MCPH1: variants seen among roughly 807,000 people sequenced by gnomAD.
The protein encoded by MCPH1 is microcephalin.
A neutral mutation model predicts 84.5 loss-of-function variants in MCPH1; 104 were observed. The ratio of observed to expected loss-of-function variants is 1.23; its 90% CI spans 1.05 to 1.45. The LOEUF is 1.45. Ranked by LOEUF, MCPH1 falls within the 40% of genes most tolerant of loss-of-function variation. The pLI, the probability that MCPH1 is intolerant of heterozygous loss-of-function variation, is 0.00. For missense variants in MCPH1, 1,498 were observed against 1,005.7 expected, an observed-to-expected ratio of 1.49 and a Z score of -6.62; for synonymous variants, 514 against 366.8, an observed-to-expected ratio of 1.40 and a Z score of -4.58.
intron 12 of MCPH1, among the ~76,000 whole-genome samples, chr8:6,611,662 AG>A (rs1830279731): frequency 6.6e-6 from 1 of 151,954 alleles, no homozygotes; most frequent in Non-Finnish European, 1.5e-5. Context: ...TCTGTCTCCC[AG>A]GCTGGAGTGC....
chr8:6,507,572 C>CTTTTTTTTTTT (rs35163014), intron 12 of MCPH1: 22 of 104,804 alleles, frequency 2.1e-4, no homozygotes, highest in Middle Eastern at 7.0e-3. Context: ...ACTTTCTTTT[C>CTTTTTTTTTTT]TTTTTTTTTT....
At chr8:6,640,764 G>A (rs1056047655) in intron 13 of MCPH1, among the ~76,000 whole-genome samples, 4 of 152,142 alleles carry the variant, frequency 2.6e-5, no homozygotes, top group Non-Finnish European at 5.9e-5. Flanking sequence ...CACCCTCTGA[G>A]CTTTAAAAAT....
At position 6,643,554 on chromosome 8, in the gene MCPH1, T is replaced by C. The variant is rs778235755; in HGVS notation, c.*505T>C. On this transcript the variant is annotated 3_prime_UTR_variant, in exon 14 of 14. Coordinates refer to ENST00000344683, the MANE Select transcript of MCPH1 (RefSeq NM_024596.5). ...TCCAGTCTTTGTGTCTTAGTCATGA[T>C]CATAATTGAAAGGTCACAGAACCTT... 1 of 172,926 alleles carries C rather than the reference T, an allele frequency of 5.8e-6. No individual in the cohort carries two copies. Among genetic ancestry groups the C allele is most frequent in the Non-Finnish European group, 1.3e-5 (1 of 79,694 alleles). 10.7% of individuals were successfully genotyped at this position (172,926 alleles called of 1,614,324 possible). A position where few individuals can be genotyped will look rare whatever the true frequency, so the allele number is the denominator to read the frequency against.
At chr8:6,632,549 C>T (rs186869155) in intron 13 of MCPH1, among the ~76,000 whole-genome samples, 158 of 152,288 alleles carry the variant, frequency 1.0e-3, no homozygotes, top group Non-Finnish European at 1.8e-3. Flanking sequence ...GTGACTCATG[C>T]CTGTAATCCC....
In MCPH1 at chr8:6,625,900, G is replaced by A. The variant is rs1396339331; in HGVS notation, c.2452+4209G>A. 1.6e-5 allele frequency: 16 copies of A among 985,288 alleles called. No individual in the cohort carries two copies. In the East Asian group the frequency reaches 1.6e-3, roughly 98 times the overall value. 61.0% of individuals were successfully genotyped at this position (985,288 alleles called of 1,614,324 possible). ...GGGGTGGAGAACCAGGAGTTTTTTA[G>A]CCACTAGGAACCTCTCTGAGAAGTT... is the stretch of plus-strand genomic sequence containing the variant. On this transcript the variant is annotated intron_variant, in intron 13 of 13. Coordinates refer to ENST00000344683, the MANE Select transcript of MCPH1 (RefSeq NM_024596.5).
At chr8:6,621,325 C>T in intron 12 of MCPH1, 129 bp from the exon 13 acceptor site, 1 of 1,184,020 alleles carries the variant, frequency 8.4e-7, no homozygotes, top group Admixed American at 1.8e-5. Flanking sequence ...TCAAAATTCA[C>T]AGGAGCATGG....
intron 13 of MCPH1, among the ~76,000 whole-genome samples, chr8:6,632,289 T>C (rs1258382238): frequency 1.3e-5 from 2 of 152,246 alleles, no homozygotes; most frequent in Non-Finnish European, 2.9e-5. Flanking sequence ...ATTGCGAATG[T>C]ACTTCATGCC....
intron 12 of MCPH1, among the ~76,000 whole-genome samples, chr8:6,583,406 G>T (rs2515525): frequency 0.74 from 112,308 of 152,090 alleles, 42,129 homozygotes; most frequent in East Asian, 0.94. Flanking sequence ...CTTTTCTTGC[G>T]CTGCAAGGCA....
chr8:6,536,323 G>A (rs915680981), intron 12 of MCPH1, among the ~76,000 whole-genome samples: 1 of 152,140 alleles, frequency 6.6e-6, no homozygotes, highest in African/African-American at 2.4e-5. Context: ...CAGCACAGGT[G>A]GATGCAGGGC....
chr8:6,498,955 G>A (rs996411540), intron 11 of MCPH1, among the ~76,000 whole-genome samples: 2 of 152,068 alleles, frequency 1.3e-5, no homozygotes, highest in African/African-American at 4.8e-5. Context: ...AAGAGGCTGA[G>A]GCAGGAGAAT....
chr8:6,459,904 A>G (rs78797069), intron 9 of MCPH1, among the ~76,000 whole-genome samples: 5,356 of 152,244 alleles, frequency 0.035, 286 homozygotes, highest in African/African-American at 0.11. Context: ...CTGTGCGAAG[A>G]GCAGCACGGC....
chr8:6,583,780 A>G (rs1827754732), intron 12 of MCPH1, among the ~76,000 whole-genome samples: 1 of 150,440 alleles, frequency 6.6e-6, no homozygotes, highest in Non-Finnish European at 1.5e-5. Context: ...GATGCAGAAG[A>G]GACAACTGAA....
intron 12 of MCPH1, among the ~76,000 whole-genome samples, chr8:6,590,098 C>T (rs537870708): frequency 6.6e-6 from 1 of 151,688 alleles, no homozygotes; most frequent in South Asian, 2.1e-4. Flanking sequence ...GAGTGAGGAA[C>T]ATTTGGTGCC....
Position 6,641,275 on chromosome 8 carries a change from T to C in MCPH1, c.2453-1719T>C, listed in dbSNP as rs74456823. ...AAACTAAGTGTAAAAATTGAATCCA[T>C]AGAGTTTTTACAACCTGGAAGAAAA... On this transcript the variant is annotated intron_variant, in intron 13 of 13. Transcript: ENST00000344683. Among the ~76,000 whole-genome samples the C allele has an allele frequency of 9.0e-3, 1,368 of 152,328 alleles. 17 individuals carry two copies. Among genetic ancestry groups the C allele is most frequent in the African/African-American group, 0.031 (1,288 of 41,574 alleles).
At chr8:6,504,134 C>G (rs557367923) in intron 12 of MCPH1, among the ~76,000 whole-genome samples, 20 of 151,846 alleles carry the variant, frequency 1.3e-4, no homozygotes, top group Admixed American at 3.9e-4. Context: ...CTGGCTAACA[C>G]GGTGAAACCC....
intron 9 of MCPH1, among the ~76,000 whole-genome samples, chr8:6,471,196 A>C (rs1169922889): frequency 2.0e-5 from 3 of 152,148 alleles, no homozygotes; most frequent in African/African-American, 7.2e-5. Context: ...TCTTTCCCCA[A>C]AAGGGCTTTG....
At chr8:6,636,879 C>T (rs1421941693) in intron 13 of MCPH1, among the ~76,000 whole-genome samples, 2 of 152,166 alleles carry the variant, frequency 1.3e-5, no homozygotes, top group African/African-American at 4.8e-5. Context: ...CCTGTAATAT[C>T]CTTTTACACA....
rs1056282606 is a variant in MCPH1, at chr8:6,644,312, T to A, written c.*1263T>A. On this transcript the variant is annotated 3_prime_UTR_variant, in exon 14 of 14. Transcript: ENST00000344683. ...AGAAACACTGATGTGTCTGTCACCT[T>A]CTAAAGAAATGAAATGCTAGGAAGT... 25 of 152,088 alleles carry A rather than the reference T, an allele frequency of 1.6e-4. No homozygotes were observed. The highest frequency in any genetic ancestry group is 5.8e-4 in the African/African-American group (24 of 41,400). The allele number at this position is 152,088 out of a possible 1,614,324, so 9.4% of individuals were successfully genotyped here.
intron 9 of MCPH1, among the ~76,000 whole-genome samples, chr8:6,456,473 A>G (rs1246092935): frequency 6.6e-6 from 1 of 152,178 alleles, no homozygotes. Context: ...GGAAAGAAAT[A>G]AAGAACCAGT....
Sources: gnomAD v4.1 joint callset for allele counts (sites outside exome capture counted in the v4.1 genomes callset) on GRCh38, gnomAD v4.1.1 for gene constraint, MANE v1.5 for transcripts, NCBI Gene and HGNC (gene_info 2026-07-23, HGNC 2026-07-21) for gene names.